Variants in SND1 observed in about 807,000 individuals in gnomAD.
SND1 encodes the protein staphylococcal nuclease domain-containing protein 1.
Under a neutral mutation model 121.7 loss-of-function variants are expected in SND1, and 38 were observed. The observed-to-expected ratio is 0.31, with a 90% CI of 0.24 to 0.41. The LOEUF (loss-of-function observed/expected upper bound fraction) is 0.41, where lower values mean the gene tolerates loss of function less well. Ranked by LOEUF, SND1 falls within the 10% of genes least tolerant of loss-of-function variation. The pLI is 1.00. For missense variants in SND1, 868 were observed against 1,184.6 expected (o/e 0.73, Z 3.92); for synonymous variants, 401 against 447.4 (o/e 0.90, Z 1.31).
chr7:127,843,863 A>G (rs551626141), intron 11 of SND1, among the ~76,000 whole-genome samples: 52 of 152,320 alleles, frequency 3.4e-4, no homozygotes, highest in African/African-American at 1.1e-3. Flanking sequence ...AATGAATTAG[A>G]GTTCCTATTG....
intron 1 of SND1, among the ~76,000 whole-genome samples, chr7:127,668,241 A>G (rs2116255124): frequency 6.6e-6 from 1 of 152,340 alleles, no homozygotes; most frequent in East Asian, 1.9e-4. Context: ...AGTGCTGTCC[A>G]TTAATTCCCT....
chr7:127,888,311 T>C (rs1466626703), intron 13 of SND1, among the ~76,000 whole-genome samples: 1 of 152,082 alleles, frequency 6.6e-6, no homozygotes, highest in Non-Finnish European at 1.5e-5. Flanking sequence ...GGAGATATGT[T>C]TATCATCATT....
At chr7:128,034,012 T>G (rs1304083811) in intron 16 of SND1, among the ~76,000 whole-genome samples, 1 of 152,236 alleles carries the variant, frequency 6.6e-6, no homozygotes, top group African/African-American at 2.4e-5. Flanking sequence ...CACACTTGTC[T>G]CCATTTCACA....
At chr7:128,028,177 T>A (rs1803533519) in intron 16 of SND1, 1 of 152,984 alleles carries the variant, frequency 6.5e-6, no homozygotes, top group Non-Finnish European at 1.5e-5. Context: ...AAATTCATGG[T>A]GCTTTTTTTT....
At chr7:127,783,963 T>C (rs930486624) in intron 10 of SND1, among the ~76,000 whole-genome samples, 7 of 152,210 alleles carry the variant, frequency 4.6e-5, no homozygotes, top group Admixed American at 6.5e-5. Context: ...TTCTTAGATA[T>C]TCATGGATTA....
chr7:128,016,082 T>C (rs1310636501), intron 16 of SND1, among the ~76,000 whole-genome samples: 1 of 152,060 alleles, frequency 6.6e-6, no homozygotes, highest in Non-Finnish European at 1.5e-5. Context: ...ATTTTAAGGC[T>C]TTTTCTCCCT....
intron 10 of SND1, among the ~76,000 whole-genome samples, chr7:127,800,001 A>C (rs1049308912): frequency 3.3e-5 from 5 of 152,180 alleles, no homozygotes; most frequent in African/African-American, 1.2e-4. Context: ...CCTGCCTTTT[A>C]TAGAAATGTG....
intron 15 of SND1, among the ~76,000 whole-genome samples, chr7:127,953,829 C>T (rs1319471241): frequency 1.3e-5 from 2 of 152,140 alleles, no homozygotes; most frequent in Non-Finnish European, 2.9e-5. Flanking sequence ...TCTGGTCTCT[C>T]CTGCTGCTAC....
chr7:128,021,129 G>A (rs1803341047), intron 16 of SND1, among the ~76,000 whole-genome samples: 1 of 152,146 alleles, frequency 6.6e-6, no homozygotes, highest in Non-Finnish European at 1.5e-5. Context: ...ATGCAGTCGT[G>A]TCAGAAGGAT....
chr7:128,053,560 G>C (rs1793083176), intron 16 of SND1, among the ~76,000 whole-genome samples: 1 of 152,120 alleles, frequency 6.6e-6, no homozygotes. Flanking sequence ...TCAAAAGACA[G>C]AAGTGAGATA....
At chr7:127,953,414 C>G (rs1339106282) in intron 15 of SND1, among the ~76,000 whole-genome samples, 7 of 152,146 alleles carry the variant, frequency 4.6e-5, no homozygotes, top group Non-Finnish European at 7.4e-5. Context: ...TACTTTCAAT[C>G]TCTTTTCCCA....
intron 16 of SND1, among the ~76,000 whole-genome samples, chr7:128,055,811 T>G (rs1793132603): frequency 6.6e-6 from 1 of 152,152 alleles, no homozygotes; most frequent in Non-Finnish European, 1.5e-5. Context: ...TCCTGGCCTT[T>G]CTCAGCATGC....
chr7:128,084,930 A>T lies in SND1; in HGVS notation c.2234+83A>T. The T allele has an allele frequency of 6.3e-6, 9 of 1,420,720 alleles. No homozygotes were observed. The South Asian group carries it at 1.3e-4, about 20-fold the overall frequency. 88.0% of individuals were successfully genotyped at this position (1,420,720 alleles called of 1,614,324 possible). ...CTCAGGCCTCAGGTGTTGCCTTAGC[A>T]GTCTGGTTTCCCCAGCTGGTTAATG... On this transcript the variant is annotated intron_variant, in intron 19 of 23. Coordinates refer to ENST00000354725, the MANE Select transcript of SND1 (RefSeq NM_014390.4).
At chr7:127,796,153 G>C (rs1478398020) in intron 10 of SND1, among the ~76,000 whole-genome samples, 1 of 151,888 alleles carries the variant, frequency 6.6e-6, no homozygotes, top group East Asian at 1.9e-4. Context: ...TTGATTAATG[G>C]ACTTATCTAG....
At chr7:127,762,400 C>G (rs1797320600) in intron 10 of SND1, among the ~76,000 whole-genome samples, 1 of 152,216 alleles carries the variant, frequency 6.6e-6, no homozygotes, top group South Asian at 2.1e-4. Context: ...CTTGCTGTCT[C>G]TTCATGTCCT....
rs1297962929 is a variant in SND1 at position 127,976,116 on chromosome 7, C to G, written c.1670-14831C>G. On this transcript the variant is annotated intron_variant, in intron 15 of 23. Coordinates refer to ENST00000354725, the MANE Select transcript of SND1 (RefSeq NM_014390.4). ...ACAAGTGCACAAGCTCACACACACC[C>G]CTTGGCTGTCACAGGCACCAGGAAC... Among the ~76,000 whole-genome samples the G allele has an allele frequency of 2.0e-5, 3 of 152,224 alleles. No individual in the cohort carries two copies. The East Asian group carries it at 5.8e-4, about 29-fold the overall frequency.
chr7:127,995,359 C>G (rs772256880), intron 16 of SND1, among the ~76,000 whole-genome samples: 7 of 152,374 alleles, frequency 4.6e-5, no homozygotes, highest in Non-Finnish European at 7.3e-5. Context: ...GACCCACATA[C>G]AGCTGACTCT....
intron 12 of SND1, among the ~76,000 whole-genome samples, chr7:127,869,820 C>G (rs1322140896): frequency 6.6e-6 from 1 of 152,202 alleles, no homozygotes; most frequent in African/African-American, 2.4e-5. Flanking sequence ...TACCCCTTTC[C>G]CTTCCCATCA....
chr7:127,666,150 C>T (rs1795414573), intron 1 of SND1, among the ~76,000 whole-genome samples: 2 of 152,218 alleles, frequency 1.3e-5, no homozygotes, highest in Non-Finnish European at 2.9e-5. Flanking sequence ...AAGCTCTCAG[C>T]AGGACACAGG....
Sources: gnomAD v4.1 joint callset for allele counts (sites outside exome capture counted in the v4.1 genomes callset) on GRCh38, gnomAD v4.1.1 for gene constraint, MANE v1.5 for transcripts, NCBI Gene and HGNC (gene_info 2026-07-23, HGNC 2026-07-21) for gene names.